SPP2: variants seen among roughly 807,000 people sequenced by gnomAD.
The protein encoded by SPP2 is secreted phosphoprotein 2.
SPP2 carries 34 observed loss-of-function variants against 28.8 expected under a neutral mutation model. The observed-to-expected ratio is 1.18, with a 90% CI of 0.90 to 1.57. SPP2 has a LOEUF of 1.57. Ranked by LOEUF, SPP2 falls within the 40% of genes most tolerant of loss-of-function variation. The pLI is 0.00. For missense variants in SPP2, 269 were observed against 263.9 expected, an observed-to-expected ratio of 1.02 and a Z score of -0.13; for synonymous variants, 96 against 89.4, an observed-to-expected ratio of 1.07 and a Z score of -0.42.
In SPP2 at chr2:234,070,043, C is replaced by T. The variant is rs773583771; in HGVS notation, c.*10+20C>T. ...CTTGAGGTAAGAAAATGCAGGTGCACACAAGTGTATTTAGAAATAGAAGCT... is the reference window on the plus strand; with the variant it reads ...CTTGAGGTAAGAAAATGCAGGTGCATACAAGTGTATTTAGAAATAGAAGCT... On this transcript the variant is annotated intron_variant, in intron 7 of 7. Transcript: ENST00000168148. 52 of 1,587,244 alleles carry T rather than the reference C, an allele frequency of 3.3e-5. No homozygotes were observed. The Admixed American group carries it at 8.2e-4, about 25-fold the overall frequency.
chr2:234,059,106 G>A, intron 3 of SPP2, 148 bp downstream of exon 3: 4 of 956,286 alleles, frequency 4.2e-6, no homozygotes, highest in Non-Finnish European at 5.9e-6. Flanking sequence ...CCTGGTGGGG[G>A]AAGTGTTACT....
chr2:234,058,951 AC>A lies in SPP2; in HGVS notation c.327del (p.Tyr110MetfsTer11). 1 of 1,613,158 alleles carries A rather than the reference AC, an allele frequency of 6.2e-7. No individual in the cohort carries two copies. Among genetic ancestry groups the A allele is most frequent in the Non-Finnish European group, 8.5e-7 (1 of 1,179,620 alleles). On this transcript the variant is annotated frameshift_variant, in exon 3 of 8. Coordinates refer to ENST00000168148, the MANE Select transcript of SPP2 (RefSeq NM_006944.3). LOFTEE classifies it high-confidence loss of function. ...DPATCAFQRD[Y>X]YVSTAVCRST... is the part of the protein sequence containing the mutation. The stretch of plus-strand genomic sequence containing the variant: ...GCTACATGTGCCTTCCAGAGGGACT[AC>A]TATGTGGTAAGTGGGAGGAGACCCA...
At chr2:234,062,093 GAA>G (rs1693730404) in intron 4 of SPP2, among the ~76,000 whole-genome samples, 2 of 152,154 alleles carry the variant, frequency 1.3e-5, no homozygotes, top group South Asian at 4.1e-4. Flanking sequence ...GTTCATATGA[GAA>G]AAAAGACAGT....
At chr2:234,066,682 T>C (rs568078078) in intron 5 of SPP2, 95 bp downstream of exon 5, 11 of 939,924 alleles carry the variant, frequency 1.2e-5, no homozygotes, top group Non-Finnish European at 1.8e-5. Context: ...GAAATACATA[T>C]GTATGTAATC....
In SPP2 at chr2:234,069,842, C is replaced by T. The variant is rs115619709; in HGVS notation, c.551-86C>T. 8.4e-4 allele frequency: 899 copies of T among 1,073,978 alleles called. 6 individuals are homozygous for T. The African/African-American group carries it at 0.013, about 15-fold the overall frequency. The allele number at this position is 1,073,978 out of a possible 1,614,324, so 66.5% of individuals were successfully genotyped here. On this transcript the variant is annotated intron_variant, in intron 6 of 7. Transcript: ENST00000168148. ...TTCAGGTTATGCTTGTCACAATCCT[C>T]CTCATTAATTTGTAGTAACATTGTC...
intron 7 of SPP2, among the ~76,000 whole-genome samples, chr2:234,070,774 A>C (rs781392718): frequency 3.9e-5 from 6 of 152,158 alleles, no homozygotes; most frequent in Non-Finnish European, 7.3e-5. Flanking sequence ...CGTATGCTTT[A>C]AATACTGGTG....
chr2:234,061,909 C>A (rs1323834856), intron 4 of SPP2, among the ~76,000 whole-genome samples: 1 of 152,168 alleles, frequency 6.6e-6, no homozygotes, highest in African/African-American at 2.4e-5. Context: ...GAAGAATCTT[C>A]TTTTCTCAGG....
chr2:234,067,516 G>A (rs984316138), intron 6 of SPP2, among the ~76,000 whole-genome samples: 2 of 152,112 alleles, frequency 1.3e-5, no homozygotes, highest in African/African-American at 4.8e-5. Flanking sequence ...GGTGGCTCAC[G>A]CCTGTAATCC....
intron 4 of SPP2, among the ~76,000 whole-genome samples, chr2:234,062,433 G>A (rs1390513930): frequency 6.6e-6 from 1 of 152,142 alleles, no homozygotes; most frequent in African/African-American, 2.4e-5. Flanking sequence ...ACAGGAATGA[G>A]AAAAACATGG....
chr2:234,069,167 C>G (rs536869030), intron 6 of SPP2, among the ~76,000 whole-genome samples: 1 of 150,094 alleles, frequency 6.7e-6, no homozygotes, highest in African/African-American at 2.5e-5. Context: ...CAGCTGGATC[C>G]CCCCAGAGAT....
At chr2:234,075,329 G>T (rs911674029) in intron 7 of SPP2, among the ~76,000 whole-genome samples, 2 of 152,074 alleles carry the variant, frequency 1.3e-5, no homozygotes, top group Non-Finnish European at 2.9e-5. Context: ...ATTACTCTCC[G>T]TTGATCTCTT....
chr2:234,065,794 CCA>C (rs1195148074), intron 4 of SPP2, among the ~76,000 whole-genome samples: 1 of 152,000 alleles, frequency 6.6e-6, no homozygotes, highest in Non-Finnish European at 1.5e-5. Flanking sequence ...TTGATGAACT[CCA>C]GTTTATCTAT....
chr2:234,060,213 C>T (rs186323178), intron 3 of SPP2, among the ~76,000 whole-genome samples, 156 bp from the exon 4 acceptor site: 14 of 152,270 alleles, frequency 9.2e-5, no homozygotes, highest in Middle Eastern at 3.4e-3. Flanking sequence ...CTGCTTCGGT[C>T]TTGAGGAATT....
chr2:234,060,506 A>C (rs1309240109), intron 4 of SPP2, 27 bp downstream of exon 4: 1 of 1,568,922 alleles, frequency 6.4e-7, no homozygotes, highest in East Asian at 2.3e-5. Context: ...GTCTCCTCCC[A>C]GACCGCACCT....
intron 2 of SPP2, 93 bp from the exon 3 acceptor site, chr2:234,058,743 T>C: frequency 7.1e-7 from 1 of 1,409,012 alleles, no homozygotes. Context: ...GACAATTCTG[T>C]AATTTTTTTC....
chr2:234,052,089 G>A (rs1437351770), intron 2 of SPP2, among the ~76,000 whole-genome samples: 1 of 152,166 alleles, frequency 6.6e-6, no homozygotes, highest in East Asian at 1.9e-4. Flanking sequence ...TGAATCAAAA[G>A]GACCCAGTTT....
intron 6 of SPP2, 100 bp from the exon 7 acceptor site, chr2:234,069,828 C>A: frequency 1.1e-6 from 1 of 947,542 alleles, no homozygotes; most frequent in Non-Finnish European, 1.7e-6. Flanking sequence ...TCAGGTTATG[C>A]TTGTCACAAT....
chr2:234,061,625 A>G (rs1357622788), intron 4 of SPP2, among the ~76,000 whole-genome samples: 1 of 152,232 alleles, frequency 6.6e-6, no homozygotes, highest in East Asian at 1.9e-4. Flanking sequence ...AATTACACAT[A>G]AAAGTTAATT....
intron 4 of SPP2, among the ~76,000 whole-genome samples, chr2:234,064,387 C>T (rs190877054): frequency 6.6e-6 from 1 of 152,294 alleles, no homozygotes; most frequent in African/African-American, 2.4e-5. Flanking sequence ...GGAAAAGAGG[C>T]ATTTCTCTCT....
Sources: allele counts gnomAD v4.1 joint callset (sites outside exome capture counted in the v4.1 genomes callset), GRCh38; gene constraint gnomAD v4.1.1; transcripts MANE v1.5; gene names NCBI Gene and HGNC (gene_info 2026-07-23, HGNC 2026-07-21).